Variants in CREB5 observed in about 807,000 individuals in gnomAD.
CREB5 encodes the protein cyclic AMP-responsive element-binding protein 5.
Under a neutral mutation model 57.1 loss-of-function variants are expected in CREB5, and 19 were observed. The observed-to-expected ratio is 0.33, with a 90% CI of 0.23 to 0.49. The LOEUF (loss-of-function observed/expected upper bound fraction) is 0.49. Among genes scored for constraint, CREB5 ranks in the 20% least tolerant of loss-of-function variants. The pLI is 0.99. For synonymous variants in CREB5, 238 were observed against 238.3 expected, an observed-to-expected ratio of 1.00 and a Z score of 0.01; for missense variants, 579 against 671.6, an observed-to-expected ratio of 0.86 and a Z score of 1.52.
At position 28,819,424 on chromosome 7, in the gene CREB5, ATGT is replaced by A; in HGVS notation, c.*149_*151del. On this transcript the variant is annotated 3_prime_UTR_variant, in exon 11 of 11. Coordinates refer to ENST00000357727, the MANE Select transcript of CREB5 (RefSeq NM_182898.4). ...TTTCATTTTTATAGTTATTATGGAA[ATGT>A]TGTCTTTTATACTTAGTTATATAAG... 1 of 790,246 alleles carries A rather than the reference ATGT, an allele frequency of 1.3e-6. No homozygotes were observed. Among genetic ancestry groups the A allele is most frequent in the Non-Finnish European group, 1.9e-6 (1 of 524,788 alleles). The allele number at this position is 790,246 out of a possible 1,614,324, so 49.0% of individuals were successfully genotyped here.
At chr7:28,589,478 C>T (rs944187443) in intron 5 of CREB5, among the ~76,000 whole-genome samples, 2 of 152,134 alleles carry the variant, frequency 1.3e-5, no homozygotes, top group Non-Finnish European at 2.9e-5. Context: ...GGTGTGAACC[C>T]AGGAGGCGGA....
chr7:28,688,564 G>T lies in CREB5; in HGVS notation c.465-30189G>T, dbSNP rs528809203. On this transcript the variant is annotated intron_variant, in intron 5 of 10. Coordinates refer to ENST00000357727, the MANE Select transcript of CREB5 (RefSeq NM_182898.4). ...ATGAAAAGCAAAACCGTATGTGCTT[G>T]TTAGATAATTTTCCAGACAATACTC... Among the ~76,000 whole-genome samples the T allele has an allele frequency of 2.6e-5, 4 of 152,322 alleles. No individual in the cohort carries two copies. The East Asian group carries it at 7.7e-4, about 29-fold the overall frequency.
intron 1 of CREB5, among the ~76,000 whole-genome samples, chr7:28,315,135 G>C (rs989545617): frequency 6.6e-6 from 1 of 152,128 alleles, no homozygotes; most frequent in Admixed American, 6.5e-5. Context: ...GTGAATAAAT[G>C]GCTCAATGTA....
intron 1 of CREB5, among the ~76,000 whole-genome samples, chr7:28,356,513 C>A (rs1186799316): frequency 2.0e-5 from 3 of 152,190 alleles, no homozygotes; most frequent in African/African-American, 7.2e-5. Context: ...GATATAAACC[C>A]ACGGGCAGAC....
At chr7:28,780,844 T>C (rs1407848617) in intron 7 of CREB5, among the ~76,000 whole-genome samples, 3 of 152,210 alleles carry the variant, frequency 2.0e-5, no homozygotes, top group African/African-American at 7.2e-5. Context: ...AACTGCAGAC[T>C]ATTTTCTCCC....
intron 5 of CREB5, among the ~76,000 whole-genome samples, chr7:28,612,330 C>T (rs1465449031): frequency 6.6e-6 from 1 of 152,080 alleles, no homozygotes; most frequent in African/African-American, 2.4e-5. Context: ...ATATGGGCAA[C>T]ACCTACAAGC....
At chr7:28,686,583 C>T (rs1044398160) in intron 5 of CREB5, among the ~76,000 whole-genome samples, 1 of 151,886 alleles carries the variant, frequency 6.6e-6, no homozygotes, top group Non-Finnish European at 1.5e-5. Flanking sequence ...TTCTTTGCTG[C>T]GGTGTCGCTC....
At chr7:28,791,161 CA>C (rs977356864) in intron 7 of CREB5, among the ~76,000 whole-genome samples, 1 of 151,918 alleles carries the variant, frequency 6.6e-6, no homozygotes, top group African/African-American at 2.4e-5. Context: ...GACAATTCTC[CA>C]AAAAAAGGAA....
rs187496791 is a variant in CREB5 at position 28,688,182 on chromosome 7, A to G, written c.465-30571A>G. 3.3e-5 allele frequency among the ~76,000 whole-genome samples: 5 copies of G among 152,282 alleles called. No individual in the cohort carries two copies. The East Asian group carries it at 9.6e-4, about 29-fold the overall frequency. On this transcript the variant is annotated intron_variant, in intron 5 of 10. Coordinates refer to ENST00000357727, the MANE Select transcript of CREB5 (RefSeq NM_182898.4). ...TTGTTTACTTCTTGCTTTTTGGCAA[A>G]AAAACAAACATGGTAAACTTTTTAG...
chr7:28,455,062 CAG>C (rs1231514170), intron 1 of CREB5, among the ~76,000 whole-genome samples: 12 of 152,166 alleles, frequency 7.9e-5, no homozygotes, highest in African/African-American at 2.7e-4. Flanking sequence ...AAATAATGAA[CAG>C]AGTTTTTTAA....
chr7:28,735,788 A>G (rs1241015322), intron 7 of CREB5, among the ~76,000 whole-genome samples: 1 of 151,872 alleles, frequency 6.6e-6, no homozygotes, highest in Admixed American at 6.6e-5. Flanking sequence ...CATGGGCCAT[A>G]TTACTGTGTG....
intron 5 of CREB5, among the ~76,000 whole-genome samples, chr7:28,630,180 A>G (rs1371713039): frequency 6.6e-6 from 1 of 152,156 alleles, no homozygotes; most frequent in Non-Finnish European, 1.5e-5. Context: ...TACCCATAGG[A>G]CTTAGTTCTG....
intron 10 of CREB5, 192 bp from the exon 11 acceptor site, chr7:28,818,924 C>T (rs1473182181): frequency 1.6e-6 from 1 of 633,890 alleles, no homozygotes; most frequent in African/African-American, 1.8e-5. Context: ...TAGATATAAA[C>T]TGGAAAGGCA....
intron 4 of CREB5, among the ~76,000 whole-genome samples, chr7:28,552,026 T>G (rs1195522718): frequency 1.3e-5 from 2 of 150,914 alleles, no homozygotes; most frequent in East Asian, 3.9e-4. Context: ...TCTCTCTCTT[T>G]CTCTCTTTTC....
At chr7:28,741,575 C>T (rs1804349686) in intron 7 of CREB5, among the ~76,000 whole-genome samples, 1 of 152,210 alleles carries the variant, frequency 6.6e-6, no homozygotes, top group Non-Finnish European at 1.5e-5. Context: ...TCCATACCAA[C>T]AATTAAGTAC....
At chr7:28,317,150 G>A (rs944347786) in intron 1 of CREB5, among the ~76,000 whole-genome samples, 4 of 151,810 alleles carry the variant, frequency 2.6e-5, no homozygotes. Context: ...GCATTCTGCT[G>A]CCCATATTTC....
chr7:28,701,217 C>T (rs1044713333), intron 5 of CREB5, among the ~76,000 whole-genome samples: 3 of 152,176 alleles, frequency 2.0e-5, no homozygotes, highest in East Asian at 1.9e-4. Flanking sequence ...GGTTCTGAGG[C>T]GCAGGGAAGA....
chr7:28,574,737 T>G (rs1280020547), intron 5 of CREB5, among the ~76,000 whole-genome samples: 1 of 152,204 alleles, frequency 6.6e-6, no homozygotes, highest in Non-Finnish European at 1.5e-5. Flanking sequence ...AATATACAAA[T>G]GTGGAGTATT....
chr7:28,461,690 TA>T (rs1277130770), intron 1 of CREB5, among the ~76,000 whole-genome samples: 3 of 152,198 alleles, frequency 2.0e-5, no homozygotes, highest in African/African-American at 7.2e-5. Flanking sequence ...AGATGATTAG[TA>T]AAACGATTTC....
Sources: allele counts gnomAD v4.1 joint callset (sites outside exome capture counted in the v4.1 genomes callset), GRCh38; gene constraint gnomAD v4.1.1; transcripts MANE v1.5; gene names NCBI Gene and HGNC (gene_info 2026-07-23, HGNC 2026-07-21).